The following CNTLN variants were observed in gnomAD, a reference collection of about 807,000 sequenced individuals.
CNTLN encodes the protein centlein.
A neutral mutation model predicts 180.0 loss-of-function variants in CNTLN; 212 were observed. That is an observed-to-expected ratio of 1.18 (90% CI 1.05 to 1.32). The LOEUF is 1.32. CNTLN is among the 40% of genes most tolerant of loss of function. The probability of loss-of-function intolerance (pLI) is 0.00; values close to 1 mark genes in which losing one functional copy is unlikely to be tolerated. For missense variants in CNTLN, 2,095 were observed against 1,610.9 expected (o/e 1.30, Z -5.14); for synonymous variants, 722 against 563.1 (o/e 1.28, Z -3.99).
At chr9:17,225,481 C>T (rs1824407955) in intron 2 of CNTLN, among the ~76,000 whole-genome samples, 1 of 151,866 alleles carries the variant, frequency 6.6e-6, no homozygotes, top group Admixed American at 6.6e-5. Context: ...TTATTTGTGA[C>T]CTTTTAAAAA....
At chr9:17,161,388 T>G (rs1164153687) in intron 2 of CNTLN, among the ~76,000 whole-genome samples, 3 of 152,186 alleles carry the variant, frequency 2.0e-5, no homozygotes, top group Non-Finnish European at 2.9e-5. Context: ...CACTTTAGAT[T>G]ATTGGTATCA....
chr9:17,465,867 T>G, intron 21 of CNTLN, 114 bp from the exon 22 acceptor site: 3 of 727,944 alleles, frequency 4.1e-6, no homozygotes, highest in Non-Finnish European at 4.4e-6. Context: ...GATAGCGTTA[T>G]GAGAAAATAA....
At chr9:17,189,073 G>A (rs1157700951) in intron 2 of CNTLN, among the ~76,000 whole-genome samples, 1 of 68,920 alleles carries the variant, frequency 1.5e-5, no homozygotes, top group Non-Finnish European at 2.7e-5. Context: ...TTGGGACTTA[G>A]TTTTTTTTTT....
chr9:17,159,706 G>A (rs1819545726), intron 2 of CNTLN, among the ~76,000 whole-genome samples: 1 of 152,036 alleles, frequency 6.6e-6, no homozygotes, highest in African/African-American at 2.4e-5. Flanking sequence ...TGTGTTCTTG[G>A]CTGCAGCTGT....
At chr9:17,462,262 C>A (rs1030217848) in intron 19 of CNTLN, among the ~76,000 whole-genome samples, 1 of 151,734 alleles carries the variant, frequency 6.6e-6, no homozygotes, top group East Asian at 1.9e-4. Flanking sequence ...AATAGCCTCA[C>A]TCATAGATCG....
At chr9:17,188,008 CACCATATATAT>C (rs957197911) in intron 2 of CNTLN, among the ~76,000 whole-genome samples, 1 of 96,420 alleles carries the variant, frequency 1.0e-5, no homozygotes, top group Admixed American at 9.9e-5. Context: ...TATATATATA[CACCATATATAT>C]ATATATATAT....
chr9:17,430,478 A>C (rs1234257515), intron 18 of CNTLN, among the ~76,000 whole-genome samples: 2 of 152,048 alleles, frequency 1.3e-5, no homozygotes, highest in Non-Finnish European at 2.9e-5. Context: ...TTACATGCAT[A>C]CAATGTGAAT....
At chr9:17,475,599 A>G (rs562086735) in intron 23 of CNTLN, among the ~76,000 whole-genome samples, 32 of 152,164 alleles carry the variant, frequency 2.1e-4, no homozygotes, top group South Asian at 6.2e-4. Flanking sequence ...GGGGCCGGGC[A>G]CAGTGGCTCA....
intron 14 of CNTLN, among the ~76,000 whole-genome samples, chr9:17,392,975 G>A (rs1418823236): frequency 6.6e-6 from 1 of 152,128 alleles, no homozygotes; most frequent in African/African-American, 2.4e-5. Flanking sequence ...ATCATTGGTT[G>A]TTGTCTTAGT....
chr9:17,159,188 A>G (rs1320962134), intron 2 of CNTLN, among the ~76,000 whole-genome samples: 2 of 151,892 alleles, frequency 1.3e-5, no homozygotes, highest in South Asian at 2.1e-4. Context: ...ATTTTTTGAC[A>G]TTTGTTTTAT....
chr9:17,195,914 C>G (rs1471531263), intron 2 of CNTLN, among the ~76,000 whole-genome samples: 1 of 152,046 alleles, frequency 6.6e-6, no homozygotes, highest in East Asian at 1.9e-4. Context: ...GAAATCAGAA[C>G]TTTTGGTGAT....
intron 5 of CNTLN, among the ~76,000 whole-genome samples, chr9:17,244,212 G>T (rs1304298697): frequency 5.2e-5 from 4 of 76,336 alleles, no homozygotes; most frequent in African/African-American, 1.4e-4. Flanking sequence ...TTAGGTTTTT[G>T]TTTTTGTTTT....
chr9:17,395,107 C>CTGCGCA lies in CNTLN; in HGVS notation c.2615+40_2615+45dup, dbSNP rs369443874. 9 of 1,547,362 alleles carry CTGCGCA rather than the reference C, an allele frequency of 5.8e-6. No homozygotes were observed. In the African/African-American group the frequency reaches 1.2e-4, roughly 21 times the overall value. On this transcript the variant is annotated intron_variant, in intron 15 of 25. Coordinates refer to ENST00000380647, the MANE Select transcript of CNTLN (RefSeq NM_017738.4). ...TTAACTTAGCTCTGTGGTGGGGACA[C>CTGCGCA]TGCGCATATGTAAAGCACTAGCAAA...
At chr9:17,495,664 C>T (rs915241701) in intron 25 of CNTLN, among the ~76,000 whole-genome samples, 1 of 152,064 alleles carries the variant, frequency 6.6e-6, no homozygotes, top group Admixed American at 6.6e-5. Context: ...TTTAATGAAG[C>T]TTAAGTATAC....
intron 2 of CNTLN, among the ~76,000 whole-genome samples, chr9:17,210,466 A>G (rs201590672): frequency 1.3e-5 from 2 of 152,178 alleles, no homozygotes; most frequent in African/African-American, 2.4e-5. Context: ...TCTATCATTG[A>G]TGGACATTAG....
At chr9:17,237,897 C>T (rs533033337) in intron 5 of CNTLN, among the ~76,000 whole-genome samples, 1 of 152,000 alleles carries the variant, frequency 6.6e-6, no homozygotes, top group Non-Finnish European at 1.5e-5. Flanking sequence ...ATTGAGAGAA[C>T]TGAATTCTGG....
At chr9:17,322,930 T>C (rs532150393) in intron 8 of CNTLN, among the ~76,000 whole-genome samples, 3 of 152,338 alleles carry the variant, frequency 2.0e-5, no homozygotes, top group African/African-American at 7.2e-5. Context: ...TTTATGAATT[T>C]GTAAAAAATG....
rs557790361 is a variant in CNTLN, at chr9:17,466,922, A to G, written c.3855+31A>G. 14 of 1,560,786 alleles carry G rather than the reference A, an allele frequency of 9.0e-6. No individual in the cohort carries two copies. The South Asian group carries it at 1.5e-4, about 17-fold the overall frequency. ...AATTACTTGTCGTTTACTAACTTGT[A>G]CTTTACTTTAGGCAGATAGGCAGTA... On this transcript the variant is annotated intron_variant, in intron 23 of 25. Coordinates refer to ENST00000380647, the MANE Select transcript of CNTLN (RefSeq NM_017738.4).
intron 12 of CNTLN, among the ~76,000 whole-genome samples, chr9:17,357,192 CT>C (rs1171082134): frequency 1.3e-5 from 2 of 151,988 alleles, no homozygotes; most frequent in Non-Finnish European, 2.9e-5. Flanking sequence ...AAGTTCCTTA[CT>C]TTTTAAGGCT....
Sources: gnomAD v4.1 joint callset for allele counts (sites outside exome capture counted in the v4.1 genomes callset) on GRCh38, gnomAD v4.1.1 for gene constraint, MANE v1.5 for transcripts, NCBI Gene and HGNC (gene_info 2026-07-23, HGNC 2026-07-21) for gene names.